SAMD11: variants seen among roughly 807,000 people sequenced by gnomAD.
The protein encoded by SAMD11 is sterile alpha motif domain containing 11.
A neutral mutation model predicts 64.4 loss-of-function variants in SAMD11; 77 were observed. That is an observed-to-expected ratio of 1.20 (90% CI 0.99 to 1.44). SAMD11 has a LOEUF of 1.44. Ranked by LOEUF, SAMD11 falls within the 40% of genes most tolerant of loss-of-function variation. The probability of loss-of-function intolerance (pLI) is 0.00; values close to 1 mark genes in which losing one functional copy is unlikely to be tolerated. For missense variants in SAMD11, 1,402 were observed against 943.3 expected (o/e 1.49, Z -6.37); for synonymous variants, 658 against 421.9 (o/e 1.56, Z -6.86).
At chr1:943,129 G>C (rs924585728) in intron 11 of SAMD11, 71 bp downstream of exon 11, 3 of 1,571,992 alleles carry the variant, frequency 1.9e-6, no homozygotes, top group Middle Eastern at 1.7e-4. Flanking sequence ...AAGGGTCTTG[G>C]GGGGAGGAAA....
chr1:944,133 C>T lies in SAMD11; in HGVS notation c.2515C>T (p.Pro839Ser). The change falls in exon 14 of 14, where the codon CCT becomes TCT. Residue 839 changes from proline (P) to serine (S), a missense_variant. Transcript: ENST00000616016. ...GGCTCTACTTCCAGGGGCCCCCGAC[C>T]CTTCCCAGCCTCTGTGTTGAGGTTG... ...TLALLPGAPD[P>S]SQPLC 2 of 1,576,746 alleles carry T rather than the reference C, an allele frequency of 1.3e-6. No homozygotes were observed. Among genetic ancestry groups the T allele is most frequent in the Non-Finnish European group, 1.7e-6 (2 of 1,159,834 alleles).
intron 7 of SAMD11, among the ~76,000 whole-genome samples, chr1:940,170 A>G (rs1641668836): frequency 6.6e-6 from 1 of 152,020 alleles, no homozygotes; most frequent in South Asian, 2.1e-4. Context: ...AATTCACCAA[A>G]TGTTAATAAT....
chr1:942,538 C>A, intron 10 of SAMD11, 21 bp from the exon 11 acceptor site: 1 of 1,407,352 alleles, frequency 7.1e-7, no homozygotes, highest in South Asian at 1.5e-5. Flanking sequence ...GGCGGCTGAC[C>A]CGCGTCTGCC....
chr1:940,771 G>A (rs952594186), intron 7 of SAMD11, among the ~76,000 whole-genome samples: 3 of 152,212 alleles, frequency 2.0e-5, no homozygotes, highest in African/African-American at 7.2e-5. Context: ...CCACCGAAGA[G>A]GGGGTCCCCT....
At chr1:936,715 C>T (rs925983618) in intron 5 of SAMD11, among the ~76,000 whole-genome samples, 5 of 152,156 alleles carry the variant, frequency 3.3e-5, no homozygotes, top group African/African-American at 9.7e-5. Context: ...CATCTGTGTC[C>T]CCCATCCATG....
rs762963735 is a variant in SAMD11, at chr1:943,993, A to G, written c.2375A>G (p.Glu792Gly). The change falls in exon 14 of 14, where the codon GAG becomes GGG. Residue 792 changes from glutamate (E) to glycine (G), a missense_variant. Transcript: ENST00000616016. Reference protein sequence around the residue: ...PLQPPTLRAPERELGTGEQPL... With the variant: ...PLQPPTLRAPGRELGTGEQPL... Reference sequence around the variant, plus strand: ...CAGCCACCAACCCTGCGGGCCCCGGAGCGAGAACTCGGCACAGGAGAGCAG... The same window carrying G: ...CAGCCACCAACCCTGCGGGCCCCGGGGCGAGAACTCGGCACAGGAGAGCAG... 38 of 1,612,654 alleles carry G rather than the reference A, an allele frequency of 2.4e-5. No homozygotes were observed. The highest frequency in any genetic ancestry group is 1.6e-4 in the Middle Eastern group (1 of 6,084).
chr1:942,305 G>C, intron 9 of SAMD11, 54 bp downstream of exon 9: 1 of 1,039,328 alleles, frequency 9.6e-7, no homozygotes. Context: ...TCGCGGACCC[G>C]GCCCTGCCCC....
At chr1:943,405 G>GGGGCTGGAGCT in intron 12 of SAMD11, 28 bp downstream of exon 12, 2 of 1,502,662 alleles carry the variant, frequency 1.3e-6, no homozygotes, top group Non-Finnish European at 1.8e-6. Flanking sequence ...TTCCTGGGGC[G>GGGGCTGGAGCT]GGGCTGGAGC....
intron 5 of SAMD11, among the ~76,000 whole-genome samples, chr1:938,581 G>T (rs905205384): frequency 6.6e-6 from 1 of 152,054 alleles, no homozygotes; most frequent in African/African-American, 2.4e-5. Context: ...GACTCACAGA[G>T]CAGCAAGAGG....
rs115979567 is a variant in SAMD11 at position 944,196 on chromosome 1, C to T, written c.*43C>T. On this transcript the variant is annotated 3_prime_UTR_variant, in exon 14 of 14. Transcript: ENST00000616016. Reference sequence around the variant, plus strand: ...GTGGGGCCACACAAATCTCCAGGAGCCACCACTCAACACAATGGCCCTGCC... The same window carrying T: ...GTGGGGCCACACAAATCTCCAGGAGTCACCACTCAACACAATGGCCCTGCC... 5,197 of 1,506,594 alleles carry T rather than the reference C, an allele frequency of 3.4e-3. 160 individuals carry two copies. The African/African-American group carries it at 0.064, about 19-fold the overall frequency. The allele number at this position is 1,506,594 out of a possible 1,614,324, so 93.3% of individuals were successfully genotyped here.
intron 3 of SAMD11, 138 bp downstream of exon 3, chr1:930,474 G>T (rs1569871162): frequency 3.0e-6 from 3 of 990,460 alleles, no homozygotes; most frequent in Non-Finnish European, 4.4e-6. Context: ...GGGGTCCTGT[G>T]TGGGTCGCAG....
chr1:926,783 TGGGAAGG>T (rs1640912835), intron 2 of SAMD11, among the ~76,000 whole-genome samples: 1 of 152,084 alleles, frequency 6.6e-6, no homozygotes, highest in Non-Finnish European at 1.5e-5. Flanking sequence ...GAATGCCTGT[TGGGAAGG>T]ACTAGTTTGG....
At chr1:943,231 A>G (rs2100363054) in intron 11 of SAMD11, 22 bp from the exon 12 acceptor site, 2 of 1,612,574 alleles carry the variant, frequency 1.2e-6, no homozygotes, top group Non-Finnish European at 1.7e-6. Context: ...CCAGAGCCCT[A>G]GTAACACGCC....
intron 5 of SAMD11, among the ~76,000 whole-genome samples, chr1:938,404 G>T (rs1641574911): frequency 6.6e-6 from 1 of 152,332 alleles, no homozygotes; most frequent in East Asian, 1.9e-4. Flanking sequence ...CCAGAGCCTG[G>T]CTGGGCTGGT....
chr1:933,771 G>A (rs545177261), intron 4 of SAMD11, among the ~76,000 whole-genome samples: 2 of 152,172 alleles, frequency 1.3e-5, no homozygotes, highest in East Asian at 1.9e-4. Flanking sequence ...ACTGGGAGCC[G>A]GTGGGGGTGG....
At chr1:933,740 C>T (rs1365404539) in intron 4 of SAMD11, among the ~76,000 whole-genome samples, 5 of 87,252 alleles carry the variant, frequency 5.7e-5, no homozygotes, top group South Asian at 4.2e-4. Flanking sequence ...TCCTATGTGC[C>T]TGGGGGGGGC....
At chr1:930,059 G>C in intron 2 of SAMD11, 96 bp from the exon 3 acceptor site, 1 of 1,396,212 alleles carries the variant, frequency 7.2e-7, no homozygotes, top group Non-Finnish European at 9.7e-7. Context: ...GCAGACCCCC[G>C]GGAGATGGAA....
At chr1:940,296 G>GGCCCCCCCCCCCCCCCCC in intron 7 of SAMD11, 1 of 131,496 alleles carries the variant, frequency 7.6e-6, no homozygotes, top group East Asian at 2.4e-4. Context: ...CCGCGCCGCC[G>GGCCCCCCCCCCCCCCCCC]CCCCCCCCCC....
intron 4 of SAMD11, among the ~76,000 whole-genome samples, chr1:933,116 CAG>C (rs770632772): frequency 6.6e-6 from 1 of 152,232 alleles, no homozygotes; most frequent in Non-Finnish European, 1.5e-5. Context: ...CAGAGACTCT[CAG>C]GGGCTTCGTC....
Sources: allele counts gnomAD v4.1 joint callset (sites outside exome capture counted in the v4.1 genomes callset), GRCh38; gene constraint gnomAD v4.1.1; transcripts MANE v1.5; gene names NCBI Gene and HGNC (gene_info 2026-07-23, HGNC 2026-07-21).